ACTR6: variants seen among roughly 807,000 people sequenced by gnomAD.
ACTR6 encodes actin related protein 6, also known as actin-related protein 6.
A neutral mutation model predicts 52.5 loss-of-function variants in ACTR6; 50 were observed. The ratio of observed to expected loss-of-function variants is 0.95; its 90% CI spans 0.76 to 1.20. ACTR6 has a LOEUF of 1.20. Among genes scored for constraint, ACTR6 ranks in the 50% most tolerant of loss-of-function variants. ACTR6 has a pLI of 0.00. For missense variants in ACTR6, 344 were observed against 472.4 expected, an observed-to-expected ratio of 0.73 and a Z score of 2.52; for synonymous variants, 135 against 147.2, an observed-to-expected ratio of 0.92 and a Z score of 0.60.
rs2096126838 is a variant in ACTR6, at chr12:100,219,996, CTTCTTTTA to C, written c.923-11_923-4del. On this transcript the variant is annotated splice_region_variant and splice_polypyrimidine_tract_variant and intron_variant, in intron 9 of 10. Coordinates refer to ENST00000188312, the MANE Select transcript of ACTR6 (RefSeq NM_022496.5). ...CCTTTTTTCCTTTCCTTCTCCTTTTCTTCTTTTAAAGAAATGCAGCCGCATTTTTTTAA... is the reference window on the plus strand; with the variant it reads ...CCTTTTTTCCTTTCCTTCTCCTTTTCAAGAAATGCAGCCGCATTTTTTTAA... The C allele has an allele frequency of 6.2e-7, 1 of 1,609,842 alleles. No individual in the cohort carries two copies. Among genetic ancestry groups the C allele is most frequent in the African/African-American group, 1.3e-5 (1 of 74,524 alleles).
intron 10 of ACTR6, among the ~76,000 whole-genome samples, chr12:100,222,489 C>A (rs2096129105): frequency 6.6e-6 from 1 of 151,732 alleles, no homozygotes; most frequent in South Asian, 2.1e-4. Flanking sequence ...AACTCCTGGG[C>A]TCAAGCAGTC....
chr12:100,219,690 GTTTTT>G (rs200154776), intron 9 of ACTR6, among the ~76,000 whole-genome samples: 1 of 151,748 alleles, frequency 6.6e-6, no homozygotes, highest in Non-Finnish European at 1.5e-5. Context: ...ATTACCAACT[GTTTTT>G]TTTACTACAG....
At position 100,223,773 on chromosome 12, in the gene ACTR6, CCTTT is replaced by C. The variant is rs745715365; in HGVS notation, c.1062-12_1062-9del. 2 of 1,597,462 alleles carry C rather than the reference CCTTT, an allele frequency of 1.3e-6. No homozygotes were observed. Among genetic ancestry groups the C allele is most frequent in the Admixed American group, 3.6e-5 (2 of 55,224 alleles). On this transcript the variant is annotated splice_polypyrimidine_tract_variant and intron_variant, in intron 10 of 10. Transcript: ENST00000188312. ...GTAAAATCATCTGGGTTCATTTATA[CCTTT>C]ATTTTCAGCCCTATTACTTATGCCT...
At chr12:100,215,300 A>C (rs933131917) in intron 8 of ACTR6, among the ~76,000 whole-genome samples, 1 of 152,170 alleles carries the variant, frequency 6.6e-6, no homozygotes, top group African/African-American at 2.4e-5. Flanking sequence ...CTTCCCTGCA[A>C]ATTACAACCT....
intron 1 of ACTR6, 91 bp downstream of exon 1, chr12:100,201,010 C>T (rs756485889): frequency 1.2e-6 from 2 of 1,600,386 alleles, no homozygotes; most frequent in Non-Finnish European, 1.7e-6. Context: ...GAACTGCAGA[C>T]ACCCCCGCGC....
intron 9 of ACTR6, among the ~76,000 whole-genome samples, chr12:100,219,170 A>G (rs1437946428): frequency 1.3e-5 from 2 of 151,570 alleles, no homozygotes; most frequent in Middle Eastern, 3.4e-3. Flanking sequence ...TAAAAAAAAA[A>G]AAAAAAAAAG....
intron 9 of ACTR6, among the ~76,000 whole-genome samples, chr12:100,219,591 A>T (rs2153901047): frequency 6.6e-6 from 1 of 152,322 alleles, no homozygotes; most frequent in Non-Finnish European, 1.5e-5. Flanking sequence ...AAATGTCATG[A>T]AAGACCTCGT....
intron 4 of ACTR6, chr12:100,208,628 A>T: frequency 2.3e-6 from 1 of 442,476 alleles, no homozygotes; most frequent in South Asian, 1.6e-5. Flanking sequence ...GACATCTCTC[A>T]TTTTATCTTT....
intron 6 of ACTR6, among the ~76,000 whole-genome samples, chr12:100,210,850 A>G (rs1300837010): frequency 6.6e-6 from 1 of 152,090 alleles, no homozygotes; most frequent in Non-Finnish European, 1.5e-5. Flanking sequence ...TTTGGATGGT[A>G]TCATACCATC....
chr12:100,223,847 A>C lies in ACTR6; in HGVS notation c.1123A>C (p.Met375Leu), dbSNP rs886124096. 1 of 1,612,248 alleles carries C rather than the reference A, an allele frequency of 6.2e-7. No individual in the cohort carries two copies. The highest frequency in any genetic ancestry group is 8.5e-7 in the Non-Finnish European group (1 of 1,179,274). Residue 375 changes from methionine to leucine, a missense_variant, in exon 11 of 11, where the codon ATG (methionine) becomes CTG (leucine). Met to Leu is a conservative substitution (Grantham distance 15, BLOSUM62 2). Transcript: ENST00000188312. ...ATCAGAGAATGATGATTTTGAAGAT[A>C]TGGTGGTAACAAGAGAAGATTACGA... ...LISENDDFED[M>L]VVTREDYEEN...
chr12:100,215,738 T>G (rs907957529), intron 8 of ACTR6, among the ~76,000 whole-genome samples: 1 of 152,222 alleles, frequency 6.6e-6, no homozygotes, highest in African/African-American at 2.4e-5. Context: ...TTAAATCATC[T>G]TAATAATTTT....
chr12:100,208,840 G>A (rs541941314), intron 4 of ACTR6: 3 of 451,488 alleles, frequency 6.6e-6, no homozygotes, highest in South Asian at 4.7e-5. Flanking sequence ...TCCACCTCCT[G>A]GGCTCAAGGG....
At chr12:100,209,555 G>A (rs112165479) in intron 4 of ACTR6, among the ~76,000 whole-genome samples, 5,372 of 152,220 alleles carry the variant, frequency 0.035, 123 homozygotes, top group South Asian at 0.073. Flanking sequence ...GCATAGGAAA[G>A]CCCTCTACAA....
intron 1 of ACTR6, among the ~76,000 whole-genome samples, chr12:100,202,523 A>T (rs1411423370): frequency 6.6e-6 from 1 of 152,088 alleles, no homozygotes; most frequent in Non-Finnish European, 1.5e-5. Context: ...TCTCGTATAC[A>T]CATACAGACA....
rs147659335 is a variant in ACTR6, at chr12:100,210,388, T to G, written c.572+37T>G. 820 of 1,586,280 alleles carry G rather than the reference T, an allele frequency of 5.2e-4. 2 individuals carry two copies. The African/African-American group carries it at 9.6e-3, about 19-fold the overall frequency. On this transcript the variant is annotated intron_variant, in intron 6 of 10. Transcript: ENST00000188312. ...CTTTGATTCTTTGGGAGGATGGGGC[T>G]CTGGGGAGGAACCTTTTACAGTAAT...
intron 6 of ACTR6, among the ~76,000 whole-genome samples, chr12:100,211,761 C>G (rs905885560): frequency 2.6e-5 from 4 of 151,932 alleles, no homozygotes; most frequent in Non-Finnish European, 4.4e-5. Flanking sequence ...CATCTGTAAT[C>G]CCAGCACTTT....
In ACTR6 at chr12:100,210,141, A is replaced by G. The variant is rs749837018; in HGVS notation, c.448A>G (p.Ser150Gly). 6.2e-7 allele frequency: 1 copy of G among 1,610,608 alleles called. No individual in the cohort carries two copies. The highest frequency in any genetic ancestry group is 8.5e-7 in the Non-Finnish European group (1 of 1,177,928). ...CGAATTATGCTGTATCATTGTTGAT[A>G]GTGGATATTCCTTTACACATATAGT... ...PSELCCIIVD[S>G]GYSFTHIVPY... The change falls in exon 5 of 11, where the codon AGT becomes GGT. Residue 150 changes from serine to glycine, a missense_variant. Coordinates refer to ENST00000188312, the MANE Select transcript of ACTR6 (RefSeq NM_022496.5).
intron 10 of ACTR6, 127 bp downstream of exon 10, chr12:100,220,273 TTTC>T: frequency 1.1e-6 from 1 of 909,986 alleles, no homozygotes; most frequent in Admixed American, 2.5e-5. Context: ...AATATTCATT[TTTC>T]TTCTTTCAAA....
At chr12:100,201,019 G>A (rs2096109231) in intron 1 of ACTR6, 100 bp downstream of exon 1, 8 of 1,593,434 alleles carry the variant, frequency 5.0e-6, no homozygotes, top group Non-Finnish European at 6.8e-6. Flanking sequence ...ACACCCCCGC[G>A]CGGCCCTGAC....
Sources: allele counts gnomAD v4.1 joint callset (sites outside exome capture counted in the v4.1 genomes callset), GRCh38; gene constraint gnomAD v4.1.1; transcripts MANE v1.5; gene names NCBI Gene and HGNC (gene_info 2026-07-23, HGNC 2026-07-21).